Variants in COL4A2 observed in about 807,000 individuals in gnomAD.
COL4A2 encodes the protein collagen alpha-2(IV) chain.
Under a neutral mutation model 200.2 loss-of-function variants are expected in COL4A2, and 99 were observed. That is an observed-to-expected ratio of 0.49 (90% CI 0.42 to 0.58). The LOEUF is 0.58. Ranked by LOEUF, COL4A2 falls within the 20% of genes least tolerant of loss-of-function variation. COL4A2 has a pLI of 0.00. For synonymous variants in COL4A2, 897 were observed against 900.6 expected (o/e 1.00, Z 0.07); for missense variants, 1,950 against 2,314.1 (o/e 0.84, Z 3.23).
intron 38 of COL4A2, 25 bp from the exon 39 acceptor site, chr13:110,493,186 A>G (rs748211206): frequency 3.7e-6 from 6 of 1,613,362 alleles, no homozygotes; most frequent in Non-Finnish European, 4.2e-6. Flanking sequence ...GGTGAAATAA[A>G]TAACGATGAG....
chr13:110,388,518 G>C (rs1441588545), intron 4 of COL4A2, among the ~76,000 whole-genome samples: 1 of 152,242 alleles, frequency 6.6e-6, no homozygotes, highest in Non-Finnish European at 1.5e-5. Flanking sequence ...CACAGAGCAA[G>C]ATGAATGCTG....
chr13:110,347,300 G>A (rs529903203), intron 3 of COL4A2, among the ~76,000 whole-genome samples: 75 of 152,272 alleles, frequency 4.9e-4, no homozygotes, highest in African/African-American at 1.6e-3. Flanking sequence ...GCTCTAGGCC[G>A]GGGAGCCAGG....
intron 31 of COL4A2, among the ~76,000 whole-genome samples, chr13:110,482,023 T>C (rs1291089243): frequency 6.6e-6 from 1 of 151,908 alleles, no homozygotes; most frequent in Admixed American, 6.6e-5. Flanking sequence ...TGGAGACACA[T>C]GGGTTGGTCT....
At chr13:110,337,190 A>C (rs2139367820) in intron 3 of COL4A2, among the ~76,000 whole-genome samples, 1 of 152,332 alleles carries the variant, frequency 6.6e-6, no homozygotes, top group South Asian at 2.1e-4. Context: ...TGGCGCTCTG[A>C]TTCCGCGGTT....
rs1424296656 is a variant in COL4A2 at position 110,484,967 on chromosome 13, A to C, written c.2965A>C (p.Ile989Leu). Residue 989 changes from isoleucine (I) to leucine (L), a missense_variant, in exon 33 of 48, where the codon ATT (isoleucine) becomes CTT (leucine). Ile to Leu is a conservative substitution (Grantham distance 5, BLOSUM62 2). Coordinates refer to ENST00000360467, the MANE Select transcript of COL4A2 (RefSeq NM_001846.4). ...PPVILPGMKD[I>L]KGEKGDEGPM... is the part of the protein sequence containing the mutation. Reference sequence around the variant, plus strand: ...TGTCATCCTGCCAGGAATGAAAGACATTAAAGGAGAGAAAGGAGATGAAGG... The same window carrying C: ...TGTCATCCTGCCAGGAATGAAAGACCTTAAAGGAGAGAAAGGAGATGAAGG... 6.2e-7 allele frequency: 1 copy of C among 1,613,066 alleles called. No individual in the cohort carries two copies. Among genetic ancestry groups the C allele is most frequent in the African/African-American group, 1.3e-5 (1 of 74,910 alleles).
chr13:110,412,707 T>C (rs1333102436), intron 4 of COL4A2, among the ~76,000 whole-genome samples: 1 of 152,226 alleles, frequency 6.6e-6, no homozygotes, highest in Non-Finnish European at 1.5e-5. Flanking sequence ...CACCGACAGT[T>C]GTCCTCAAAA....
chr13:110,311,414 G>A (rs1884979122), intron 3 of COL4A2, among the ~76,000 whole-genome samples: 1 of 152,168 alleles, frequency 6.6e-6, no homozygotes, highest in Non-Finnish European at 1.5e-5. Flanking sequence ...CAGACTTGAG[G>A]CAGGTGACGG....
intron 24 of COL4A2, among the ~76,000 whole-genome samples, chr13:110,463,533 C>T (rs1882117036): frequency 6.6e-6 from 1 of 152,180 alleles, no homozygotes; most frequent in African/African-American, 2.4e-5. Flanking sequence ...ATTCCATAAC[C>T]CATGTCTTCT....
At position 110,485,164 on chromosome 13, in the gene COL4A2, T is replaced by A. The variant is rs373638966; in HGVS notation, c.3025+137T>A. The A allele has an allele frequency of 1.1e-5, 8 of 701,318 alleles. No homozygotes were observed. In the South Asian group the frequency reaches 2.0e-4, roughly 17 times the overall value. The allele number at this position is 701,318 out of a possible 1,614,324, so 43.4% of individuals were successfully genotyped here. ...TCGTGCTTTTCATCTCTGGGCGCCC[T>A]GTGTGTCCATAGCTGGCGCAGGGTT... is the stretch of plus-strand genomic sequence containing the variant. On this transcript the variant is annotated intron_variant, in intron 33 of 47. Coordinates refer to ENST00000360467, the MANE Select transcript of COL4A2 (RefSeq NM_001846.4).
chr13:110,493,954 C>G (rs1235764333), intron 39 of COL4A2, among the ~76,000 whole-genome samples: 5 of 152,292 alleles, frequency 3.3e-5, no homozygotes, highest in Non-Finnish European at 7.4e-5. Context: ...CTAATCACCT[C>G]CCAAAGGCCC....
chr13:110,395,525 A>G (rs1237532157), intron 4 of COL4A2, among the ~76,000 whole-genome samples: 1 of 152,208 alleles, frequency 6.6e-6, no homozygotes, highest in Non-Finnish European at 1.5e-5. Context: ...AGAACGTGAC[A>G]CATTTTTCCT....
At position 110,473,772 on chromosome 13, in the gene COL4A2, C is replaced by G. The variant is rs138230920; in HGVS notation, c.2425+622C>G. ...ATGCCATGGACAGCAAATGTTCACA[C>G]TGGGTGAACCCCAGGCTGGGGATTG... On this transcript the variant is annotated intron_variant, in intron 29 of 47. Transcript: ENST00000360467. Among the ~76,000 whole-genome samples the G allele has an allele frequency of 2.9e-3, 441 of 152,298 alleles. 9 individuals are homozygous for G. Among genetic ancestry groups the G allele is most frequent in the Admixed American group, 0.026 (399 of 15,306 alleles).
At chr13:110,329,211 T>C (rs1875790959) in intron 3 of COL4A2, among the ~76,000 whole-genome samples, 1 of 152,208 alleles carries the variant, frequency 6.6e-6, no homozygotes, top group Non-Finnish European at 1.5e-5. Context: ...TTAATGCAAA[T>C]GTTTTCAAAG....
intron 3 of COL4A2, among the ~76,000 whole-genome samples, chr13:110,317,349 C>G (rs929840224): frequency 1.3e-5 from 2 of 148,638 alleles, no homozygotes; most frequent in East Asian, 3.8e-4. Flanking sequence ...CACACACACA[C>G]AGAAACACAT....
intron 4 of COL4A2, among the ~76,000 whole-genome samples, chr13:110,401,786 G>C (rs1879380268): frequency 6.6e-6 from 1 of 152,188 alleles, no homozygotes; most frequent in Non-Finnish European, 1.5e-5. Context: ...ATTTCTCACT[G>C]TTCTAGAGGC....
Position 110,446,827 on chromosome 13 carries a change from A to G in COL4A2, c.1041A>G (p.Gly347=), listed in dbSNP as rs771881462. The change falls in exon 18 of 48, where the codon GGA becomes GGG. Residue 347 remains glycine, a synonymous_variant. Coordinates refer to ENST00000360467, the MANE Select transcript of COL4A2 (RefSeq NM_001846.4). ...KGEAGDPGPP[G]LPAYSPHPSL... The stretch of plus-strand genomic sequence containing the variant: ...AAGCCGGAGACCCAGGGCCCCCTGG[A>G]CTACCTGCCTACTCCCCTCACCCTT... 24 of 1,612,930 alleles carry G rather than the reference A, an allele frequency of 1.5e-5. No individual in the cohort carries two copies. Among genetic ancestry groups the G allele is most frequent in the Admixed American group, 1.0e-4 (6 of 59,986 alleles).
chr13:110,408,168 G>A (rs1594196620), intron 4 of COL4A2, among the ~76,000 whole-genome samples: 2 of 152,170 alleles, frequency 1.3e-5, no homozygotes, highest in African/African-American at 2.4e-5. Context: ...AAACGCAGGC[G>A]GGTCCGTGGC....
At chr13:110,469,099 C>G (rs1882362798) in intron 27 of COL4A2, 118 bp from the exon 28 acceptor site, 1 of 1,182,952 alleles carries the variant, frequency 8.5e-7, no homozygotes, top group African/African-American at 1.5e-5. Flanking sequence ...CTGATATTCC[C>G]CCCAGCCTCA....
rs1882536659 is a variant in COL4A2 at position 110,472,971 on chromosome 13, C to G, written c.2246C>G (p.Pro749Arg). 1 of 1,553,704 alleles carries G rather than the reference C, an allele frequency of 6.4e-7. No homozygotes were observed. Among genetic ancestry groups the G allele is most frequent in the Non-Finnish European group, 8.7e-7 (1 of 1,149,636 alleles). ...PRGSKGAVGL[P>R]GPDGSPGPIG... ...GGATCCAAAGGTGCAGTGGGCCTCC[C>G]TGGCCCAGATGGATCCCCAGGTCCC... Residue 749 changes from proline (P) to arginine (R), a missense_variant, in exon 29 of 48, where the codon CCT becomes CGT. This residue lies in a region of COL4A2 where 1,385 missense variants were observed against 1,720.5 expected (regional missense o/e 0.80). Coordinates refer to ENST00000360467, the MANE Select transcript of COL4A2 (RefSeq NM_001846.4).
Sources: allele counts gnomAD v4.1 joint callset (sites outside exome capture counted in the v4.1 genomes callset), GRCh38; gene constraint gnomAD v4.1.1; regional missense constraint gnomAD v4.1.1; transcripts MANE v1.5; gene names NCBI Gene and HGNC (gene_info 2026-07-23, HGNC 2026-07-21).